The following RIPOR2 variants were observed in gnomAD, a reference collection of about 807,000 sequenced individuals.
The protein encoded by RIPOR2 is RHO family interacting cell polarization regulator 2.
A neutral mutation model predicts 114.5 loss-of-function variants in RIPOR2; 39 were observed. The observed-to-expected ratio is 0.34, with a 90% CI of 0.26 to 0.44. The LOEUF is 0.44. Ranked by LOEUF, RIPOR2 falls within the 20% of genes least tolerant of loss-of-function variation. The pLI is 1.00. For synonymous variants in RIPOR2, 445 were observed against 484.4 expected, an observed-to-expected ratio of 0.92 and a Z score of 1.07; for missense variants, 1,007 against 1,255.1, an observed-to-expected ratio of 0.80 and a Z score of 2.99.
At chr6:24,889,812 C>A (rs987497582) in intron 1 of RIPOR2, among the ~76,000 whole-genome samples, 11 of 152,060 alleles carry the variant, frequency 7.2e-5, no homozygotes, top group African/African-American at 2.7e-4. Context: ...AAATAAATTT[C>A]TCTGATAATT....
At chr6:25,041,780 G>A (rs2113785729) in intron 1 of RIPOR2, 1 of 679,774 alleles carries the variant, frequency 1.5e-6, no homozygotes, top group South Asian at 1.6e-5. Flanking sequence ...CAGAGGGCAA[G>A]AAATGAGTGT....
intron 1 of RIPOR2, among the ~76,000 whole-genome samples, chr6:24,974,275 A>C (rs1239619566): frequency 6.6e-6 from 1 of 152,100 alleles, no homozygotes; most frequent in African/African-American, 2.4e-5. Flanking sequence ...GGTCCTAGTT[A>C]TTGAGGATCA....
At chr6:24,847,477 G>T in intron 12 of RIPOR2, 1 of 1,486,492 alleles carries the variant, frequency 6.7e-7, no homozygotes, top group African/African-American at 1.4e-5. Context: ...CAAGAGACAT[G>T]CTAAGTCACA....
rs1301674407 is a variant in RIPOR2, at chr6:24,804,437, A to C, written c.*1936T>G. ...AATTAATTACTCATGCAATAGTCAA[A>C]ATAAAAAATAAAAAAATGACAAACC... On this transcript the variant is annotated 3_prime_UTR_variant, in exon 22 of 22. Transcript: ENST00000643898. 1 of 80,458 alleles carries C rather than the reference A, an allele frequency of 1.2e-5. No homozygotes were observed. The highest frequency in any genetic ancestry group is 3.9e-5 in the Non-Finnish European group (1 of 25,490). The allele number at this position is 80,458 out of a possible 1,614,324, so 5.0% of individuals were successfully genotyped here. A position where few individuals can be genotyped will look rare whatever the true frequency, so the allele number is the denominator to read the frequency against.
intron 13 of RIPOR2, 82 bp downstream of exon 13, chr6:24,842,780 A>G (rs1761847001): frequency 1.3e-6 from 1 of 776,072 alleles, no homozygotes; most frequent in Non-Finnish European, 1.8e-6. Flanking sequence ...TTTTTTTTTA[A>G]ATGATACCTC....
At chr6:25,016,899 A>G (rs7767457) in intron 1 of RIPOR2, among the ~76,000 whole-genome samples, 118,422 of 152,198 alleles carry the variant, frequency 0.78, 46,493 homozygotes, top group African/African-American at 0.87. Context: ...GGGGATTCAC[A>G]TTCTGGGTGC....
chr6:24,811,381 G>C (rs1231022212), intron 20 of RIPOR2, among the ~76,000 whole-genome samples: 1 of 150,106 alleles, frequency 6.7e-6, no homozygotes, highest in Non-Finnish European at 1.5e-5. Context: ...TTACAGGTGT[G>C]TGCCACCATG....
intron 20 of RIPOR2, among the ~76,000 whole-genome samples, chr6:24,811,216 C>A (rs1046026778): frequency 2.8e-5 from 4 of 143,402 alleles, no homozygotes; most frequent in African/African-American, 1.0e-4. Context: ...TAAGGTGTGG[C>A]CTTCTCTCAT....
chr6:24,976,501 A>G, intron 1 of RIPOR2: 1 of 1,579,216 alleles, frequency 6.3e-7, no homozygotes, highest in Non-Finnish European at 8.7e-7. Context: ...AGGGGCCTGG[A>G]AACCAAGAAG....
chr6:25,024,348 T>A (rs1776498069), intron 1 of RIPOR2: 1 of 1,433,978 alleles, frequency 7.0e-7, no homozygotes. Context: ...CCTGGCTTCC[T>A]CGAAGTCTTC....
intron 1 of RIPOR2, among the ~76,000 whole-genome samples, chr6:24,923,049 C>CA (rs960017200): frequency 6.6e-6 from 1 of 151,966 alleles, no homozygotes; most frequent in Admixed American, 6.6e-5. Context: ...CTCCTCCCCC[C>CA]AGCCTCTGGC....
intron 10 of RIPOR2, 90 bp downstream of exon 10, chr6:24,850,507 G>A: frequency 7.0e-7 from 1 of 1,428,086 alleles, no homozygotes. Flanking sequence ...GGATGGAGGG[G>A]CAACAGGCAG....
At chr6:24,832,053 A>T (rs887544831) in intron 16 of RIPOR2, among the ~76,000 whole-genome samples, 1 of 152,170 alleles carries the variant, frequency 6.6e-6, no homozygotes, top group African/African-American at 2.4e-5. Flanking sequence ...GGCCCTCTGG[A>T]AAAAACTGTG....
intron 8 of RIPOR2, among the ~76,000 whole-genome samples, chr6:24,857,913 A>T (rs372012392): frequency 6.6e-6 from 1 of 152,300 alleles, no homozygotes; most frequent in East Asian, 1.9e-4. Flanking sequence ...TCAGGACCCA[A>T]CTAATTCTCC....
chr6:24,917,081 T>C (rs192879738), intron 1 of RIPOR2, among the ~76,000 whole-genome samples: 33 of 152,274 alleles, frequency 2.2e-4, no homozygotes, highest in Middle Eastern at 3.4e-3. Flanking sequence ...TATTTACATA[T>C]AGAGATCATT....
chr6:24,964,147 C>CTGTGTGTGTGTG (rs70974955), intron 1 of RIPOR2, among the ~76,000 whole-genome samples: 3,425 of 146,640 alleles, frequency 0.023, 118 homozygotes, highest in African/African-American at 0.068. Flanking sequence ...GACATTGGCT[C>CTGTGTGTGTGTG]TGTGTGTGTG....
At chr6:24,985,998 G>A (rs1774513987) in intron 1 of RIPOR2, among the ~76,000 whole-genome samples, 1 of 152,128 alleles carries the variant, frequency 6.6e-6, no homozygotes, top group Admixed American at 6.5e-5. Context: ...CAGAGAATGG[G>A]AAAAGTCTTG....
intron 1 of RIPOR2, among the ~76,000 whole-genome samples, chr6:24,932,199 G>A (rs1771448358): frequency 6.6e-6 from 1 of 152,118 alleles, no homozygotes; most frequent in African/African-American, 2.4e-5. Context: ...CTAACTACTG[G>A]TTTTTCACTA....
At chr6:25,016,729 T>C (rs1776023236) in intron 1 of RIPOR2, among the ~76,000 whole-genome samples, 1 of 152,210 alleles carries the variant, frequency 6.6e-6, no homozygotes, top group African/African-American at 2.4e-5. Flanking sequence ...TGAACATTCT[T>C]CAAAAAAGTT....
Sources: gnomAD v4.1 joint callset for allele counts (sites outside exome capture counted in the v4.1 genomes callset) on GRCh38, gnomAD v4.1.1 for gene constraint, MANE v1.5 for transcripts, NCBI Gene and HGNC (gene_info 2026-07-23, HGNC 2026-07-21) for gene names.